The following DNAH2 variants were observed in gnomAD, a reference collection of about 807,000 sequenced individuals.
DNAH2 encodes the protein dynein axonemal heavy chain 2.
A neutral mutation model predicts 523.5 loss-of-function variants in DNAH2; 323 were observed. That is an observed-to-expected ratio of 0.62 (90% CI 0.56 to 0.68). The LOEUF (loss-of-function observed/expected upper bound fraction) is 0.68. Ranked by LOEUF, DNAH2 falls within the 30% of genes least tolerant of loss-of-function variation. The pLI is 0.00. For synonymous variants in DNAH2, 2,093 were observed against 2,177.4 expected (o/e 0.96, Z 1.08); for missense variants, 4,907 against 5,701.5 (o/e 0.86, Z 4.49).
chr17:7,780,910 C>G lies in DNAH2; in HGVS notation c.6003+128C>G, dbSNP rs997062133. ...TCACCTTCCCACCTCGTCCCATCCC[C>G]GTGTTGCCCGCTGCTTTGCTAATGG... On this transcript the variant is annotated intron_variant, in intron 38 of 85. Coordinates refer to ENST00000572933, the MANE Select transcript of DNAH2 (RefSeq NM_020877.5). The surrounding 1 kb of genome is among the most constrained non-coding windows in gnomAD (Gnocchi z 4.4). 39 of 1,578,520 alleles carry G rather than the reference C, an allele frequency of 2.5e-5. No homozygotes were observed. Among genetic ancestry groups the G allele is most frequent in the Non-Finnish European group, 3.3e-5 (38 of 1,158,478 alleles).
intron 24 of DNAH2, among the ~76,000 whole-genome samples, chr17:7,769,452 G>A (rs939817475): frequency 3.9e-5 from 6 of 152,164 alleles, no homozygotes; most frequent in African/African-American, 1.4e-4. Flanking sequence ...ATGAGCCACC[G>A]TGCCCGTCCC....
chr17:7,734,726 A>G lies in DNAH2; in HGVS notation c.978+18A>G. On this transcript the variant is annotated intron_variant, in intron 7 of 85. Transcript: ENST00000572933. The stretch of plus-strand genomic sequence containing the variant: ...AGATCCAGGTTTGTGAGCGAATCAA[A>G]GGATTCAGGCTCAGCAAGAAGTGGG... The G allele has an allele frequency of 1.2e-6, 2 of 1,610,314 alleles. No individual in the cohort carries two copies. The highest frequency in any genetic ancestry group is 1.7e-6 in the Non-Finnish European group (2 of 1,177,680).
intron 18 of DNAH2, among the ~76,000 whole-genome samples, chr17:7,761,312 G>T (rs913044739): frequency 6.6e-6 from 1 of 152,120 alleles, no homozygotes; most frequent in South Asian, 2.1e-4. Flanking sequence ...TCATTGCCTA[G>T]GCTGGAGTGC....
In DNAH2 at chr17:7,807,416, G is replaced by A. The variant is rs1432030390; in HGVS notation, c.9613-54G>A. On this transcript the variant is annotated intron_variant, in intron 62 of 85. Coordinates refer to ENST00000572933, the MANE Select transcript of DNAH2 (RefSeq NM_020877.5). This position sits in a 1 kb window ranked among gnomAD's most constrained non-coding sequence, Gnocchi z 5.6. ...GTGGAAGGAGGGGATGCCTGGAGGT[G>A]AGGGGGTTGGTGGGTTGGTGGGCGA... 1 of 1,607,776 alleles carries A rather than the reference G, an allele frequency of 6.2e-7. No individual in the cohort carries two copies. The highest frequency in any genetic ancestry group is 8.5e-7 in the Non-Finnish European group (1 of 1,177,698).
intron 3 of DNAH2, among the ~76,000 whole-genome samples, chr17:7,725,180 C>T (rs949706080): frequency 5.3e-5 from 8 of 151,842 alleles, no homozygotes; most frequent in African/African-American, 1.9e-4. Flanking sequence ...ATCTCCGCCT[C>T]CCAGGCTCAA....
At chr17:7,792,155 C>G in intron 45 of DNAH2, 86 bp downstream of exon 45, 2 of 1,600,382 alleles carry the variant, frequency 1.2e-6, no homozygotes, top group Non-Finnish European at 1.7e-6. Context: ...TTGGGTTTCC[C>G]TCTCTCTTTC....
intron 21 of DNAH2, among the ~76,000 whole-genome samples, chr17:7,765,927 T>A (rs1286999299): frequency 6.6e-6 from 1 of 151,940 alleles, no homozygotes; most frequent in Admixed American, 6.6e-5. Context: ...TACAGGCACA[T>A]GCCACCACAC....
intron 27 of DNAH2, 54 bp from the exon 28 acceptor site, chr17:7,771,276 A>G: frequency 1.2e-6 from 2 of 1,609,078 alleles, no homozygotes; most frequent in Admixed American, 3.3e-5. Context: ...CAGGGAGCAG[A>G]GGGTGGAGAG....
intron 48 of DNAH2, among the ~76,000 whole-genome samples, chr17:7,793,501 T>TTCTTTCTTTCTTTCTTTCTTC (rs1567709491): frequency 7.3e-6 from 1 of 137,814 alleles, no homozygotes; most frequent in South Asian, 2.2e-4. Flanking sequence ...CTTTCTTTCT[T>TTCTTTCTTTCTTTCTTTCTTC]TCTTTCTTTC....
Position 7,831,398 on chromosome 17 carries a change from G to T in DNAH2, c.12468G>T (p.Glu4156Asp). The T allele has an allele frequency of 6.2e-7, 1 of 1,614,154 alleles. No homozygotes were observed. The highest frequency in any genetic ancestry group is 2.2e-5 in the East Asian group (1 of 44,888). ...AGCTCCTGCCTGCTCAGGTCCTTGA[G>T]TTGGCCGCTGATGTGAAGCAGAAGA... ...GGQTREEKVLELAADVKQKIP... is the reference protein window; with the variant it reads ...GGQTREEKVLDLAADVKQKIP... Residue 4156 changes from glutamate to aspartate, a missense_variant, in exon 81 of 86, where the codon GAG (glutamate) becomes GAT (aspartate). Physicochemically the swap from Glu to Asp is conservative, Grantham distance 45. Around this residue, in one of 3 missense-constraint regions of DNAH2, gnomAD observed 1,851 missense variants for 2,139.4 expected, o/e 0.87. Transcript: ENST00000572933. The surrounding 1 kb of genome is among the most constrained non-coding windows in gnomAD (Gnocchi z 4.2).
At chr17:7,813,420 T>C (rs1973528373) in intron 63 of DNAH2, among the ~76,000 whole-genome samples, 1 of 152,038 alleles carries the variant, frequency 6.6e-6, no homozygotes, top group Non-Finnish European at 1.5e-5. Flanking sequence ...ACAGCGTTGT[T>C]AATAGCAGAA....
intron 48 of DNAH2, among the ~76,000 whole-genome samples, chr17:7,793,511 CTTTCTTCTCT>C (rs2076974023): frequency 7.8e-6 from 1 of 127,428 alleles, no homozygotes; most frequent in Non-Finnish European, 1.8e-5. Flanking sequence ...TTCTTTCTTT[CTTTCTTCTCT>C]TTCTCTTTCT....
In DNAH2 at chr17:7,816,729, A is replaced by G. The variant is rs1328052805; in HGVS notation, c.9888A>G (p.Thr3296=). The G allele has an allele frequency of 1.2e-6, 2 of 1,613,582 alleles. No homozygotes were observed. The stretch of plus-strand genomic sequence containing the variant: ...GCGAGAAGGCCAGATGGGAGGAGAC[A>G]GTCCAGGTGAGATCAGCTGTACTAC... ...LAGEKARWEE[T]VQGLEEDLGY... is the part of the protein sequence containing the mutation. The change falls in exon 64 of 86, where the codon ACA becomes ACG. Residue 3296 remains threonine (T), a synonymous_variant. Coordinates refer to ENST00000572933, the MANE Select transcript of DNAH2 (RefSeq NM_020877.5).
intron 24 of DNAH2, 23 bp from the exon 25 acceptor site, chr17:7,770,213 AACTCTCCTGACCTCAC>A: frequency 6.5e-7 from 1 of 1,544,414 alleles, no homozygotes; most frequent in Non-Finnish European, 8.7e-7. Context: ...GAGTGATGGT[AACTCTCCTGACCTCAC>A]ACCCTCCTGT....
Position 7,770,774 on chromosome 17 carries a change from G to A in DNAH2, c.4203G>A (p.Gln1401=), listed in dbSNP as rs755187192. ...TCAGAGGTACAGAAGAAGTATTCCA[G>A]GCACTGGAAGATAACCAGGTAGCTC... is the stretch of plus-strand genomic sequence containing the variant. ...HRLRGTEEVF[Q]ALEDNQVALS... Residue 1401 remains glutamine, a synonymous_variant, in exon 27 of 86, where the codon CAG becomes CAA. Transcript: ENST00000572933. 2.8e-5 allele frequency: 46 copies of A among 1,614,070 alleles called. No homozygotes were observed. In the Admixed American group the frequency reaches 4.7e-4, roughly 16 times the overall value.
chr17:7,804,843 C>T, intron 59 of DNAH2, 115 bp from the exon 60 acceptor site: 1 of 885,348 alleles, frequency 1.1e-6, no homozygotes, highest in Non-Finnish European at 1.8e-6. Context: ...TAGACTCCAT[C>T]TCAAAAAAAA....
intron 30 of DNAH2, among the ~76,000 whole-genome samples, chr17:7,775,705 G>A (rs200995850): frequency 0.016 from 2,000 of 122,324 alleles, 10 homozygotes; most frequent in Non-Finnish European, 0.022. Flanking sequence ...AAAAAAAAAA[G>A]AAAAAAAAAA....
intron 70 of DNAH2, 42 bp downstream of exon 70, chr17:7,818,818 T>A: frequency 6.2e-7 from 1 of 1,612,472 alleles, no homozygotes; most frequent in Non-Finnish European, 8.5e-7. Context: ...ACGGGTCTAC[T>A]CCCAGCCAGC....
intron 28 of DNAH2, 34 bp downstream of exon 28, chr17:7,771,502 C>T: frequency 6.2e-7 from 1 of 1,611,606 alleles, no homozygotes; most frequent in Non-Finnish European, 8.5e-7. Context: ...CTGACACAGC[C>T]TCGGCAGGCA....
Sources: gnomAD v4.1 joint callset for allele counts (sites outside exome capture counted in the v4.1 genomes callset) on GRCh38, gnomAD v4.1.1 for gene constraint, gnomAD v4.1.1 regional missense constraint, Gnocchi (gnomAD v3.1) non-coding constraint, MANE v1.5 for transcripts, NCBI Gene and HGNC (gene_info 2026-07-23, HGNC 2026-07-21) for gene names.